DCC: variants seen among roughly 807,000 people sequenced by gnomAD.
The protein encoded by DCC is DCC netrin 1 receptor, also known as netrin receptor DCC.
In DCC, 58 loss-of-function variants were observed where a neutral mutation model predicts 172.5. That is an observed-to-expected ratio of 0.34 (90% CI 0.27 to 0.42). The LOEUF is 0.42. DCC is among the 10% of genes least tolerant of loss of function. The pLI is 1.00. For missense variants in DCC, 1,740 were observed against 1,791.0 expected, an observed-to-expected ratio of 0.97 and a Z score of 0.51; for synonymous variants, 709 against 644.5, an observed-to-expected ratio of 1.10 and a Z score of -1.52.
At chr18:52,867,901 G>C (rs924861735) in intron 2 of DCC, among the ~76,000 whole-genome samples, 1 of 151,912 alleles carries the variant, frequency 6.6e-6, no homozygotes, top group African/African-American at 2.4e-5. Flanking sequence ...TCAGATTTTT[G>C]CTCTTTAACT....
Position 52,366,724 on chromosome 18 carries a change from G to A in DCC, c.91+25846G>A, listed in dbSNP as rs560051456. On this transcript the variant is annotated intron_variant, in intron 1 of 28. Transcript: ENST00000442544. Reference sequence around the variant, plus strand: ...AGCAGCTAGATACAGAGTGTCGATTGGTGCACTCACAAACCTTGAGCTAAA... The same window carrying A: ...AGCAGCTAGATACAGAGTGTCGATTAGTGCACTCACAAACCTTGAGCTAAA... Among the ~76,000 whole-genome samples, 17 of 151,730 alleles carry A rather than the reference G, an allele frequency of 1.1e-4. No homozygotes were observed. The East Asian group carries it at 3.4e-3, about 30-fold the overall frequency.
intron 15 of DCC, among the ~76,000 whole-genome samples, chr18:53,368,623 G>T (rs2058029993): frequency 6.6e-6 from 1 of 151,956 alleles, no homozygotes; most frequent in African/African-American, 2.4e-5. Context: ...TTTTGTAGTG[G>T]TATTAAAAAG....
intron 15 of DCC, among the ~76,000 whole-genome samples, chr18:53,362,370 A>G (rs1434291809): frequency 6.6e-6 from 1 of 152,110 alleles, no homozygotes; most frequent in African/African-American, 2.4e-5. Flanking sequence ...CTTTTGGTAC[A>G]TTTTTCACTT....
chr18:53,085,702 C>G (rs2042869190), intron 7 of DCC, among the ~76,000 whole-genome samples: 1 of 151,700 alleles, frequency 6.6e-6, no homozygotes, highest in African/African-American at 2.4e-5. Flanking sequence ...GCTAACTTCT[C>G]AGGTGGGAAG....
At chr18:53,043,933 A>T (rs2042202640) in intron 5 of DCC, among the ~76,000 whole-genome samples, 2 of 151,904 alleles carry the variant, frequency 1.3e-5, no homozygotes, top group African/African-American at 4.8e-5. Context: ...GTGAATGCCA[A>T]GAAAAAAGAA....
chr18:52,739,347 CT>C (rs1327501074), intron 1 of DCC, among the ~76,000 whole-genome samples: 3 of 152,008 alleles, frequency 2.0e-5, no homozygotes, highest in Non-Finnish European at 4.4e-5. Flanking sequence ...TCGTTTTTGT[CT>C]ATCTATGTTT....
At chr18:53,506,859 CAAAAAA>C (rs34848744) in intron 27 of DCC, among the ~76,000 whole-genome samples, 1 of 133,380 alleles carries the variant, frequency 7.5e-6, no homozygotes, top group African/African-American at 2.8e-5. Context: ...GACTCCATCT[CAAAAAA>C]AAAAAAAAAA....
intron 14 of DCC, among the ~76,000 whole-genome samples, chr18:53,331,991 G>A (rs1480710775): frequency 2.6e-5 from 4 of 152,180 alleles, no homozygotes; most frequent in African/African-American, 9.7e-5. Context: ...CAGAGAGGAT[G>A]TGGATTCTGG....
chr18:52,981,984 T>TA (rs1381783621), intron 5 of DCC, among the ~76,000 whole-genome samples: 38 of 151,946 alleles, frequency 2.5e-4, no homozygotes, highest in Admixed American at 1.4e-3. Flanking sequence ...CCCAAAGAGT[T>TA]AGAGATGGGA....
At chr18:53,157,578 A>G in intron 8 of DCC, 66 bp downstream of exon 8, 1 of 1,546,790 alleles carries the variant, frequency 6.5e-7, no homozygotes, top group Non-Finnish European at 8.9e-7. Context: ...CGGTTGGGTA[A>G]TGGCAGGAGG....
At chr18:52,924,797 GGTGT>G (rs1005256851) in intron 4 of DCC, among the ~76,000 whole-genome samples, 3 of 151,912 alleles carry the variant, frequency 2.0e-5, no homozygotes, top group Admixed American at 2.0e-4. Flanking sequence ...AGCACATCAA[GGTGT>G]GTTCTCTGCG....
At chr18:52,518,690 C>T (rs1284856021) in intron 1 of DCC, among the ~76,000 whole-genome samples, 6 of 152,158 alleles carry the variant, frequency 3.9e-5, no homozygotes, top group African/African-American at 1.2e-4. Flanking sequence ...TCTCTGTTCT[C>T]GTGTGTATGT....
chr18:53,051,544 G>A (rs1042610255), intron 5 of DCC, among the ~76,000 whole-genome samples: 1 of 152,044 alleles, frequency 6.6e-6, no homozygotes, highest in African/African-American at 2.4e-5. Context: ...AGATTTTGTT[G>A]TTAGGTTTAT....
At chr18:53,477,819 G>A (rs1158593915) in intron 25 of DCC, among the ~76,000 whole-genome samples, 2 of 152,084 alleles carry the variant, frequency 1.3e-5, no homozygotes, top group Admixed American at 1.3e-4. Context: ...AGTAAAATTA[G>A]CTGAGGCTCA....
At chr18:53,302,020 C>T (rs1568041002) in intron 12 of DCC, among the ~76,000 whole-genome samples, 1 of 152,180 alleles carries the variant, frequency 6.6e-6, no homozygotes, top group African/African-American at 2.4e-5. Context: ...TGAGGCCTCG[C>T]TCACTTGGCT....
At chr18:52,871,494 T>C (rs2039317313) in intron 2 of DCC, among the ~76,000 whole-genome samples, 1 of 152,166 alleles carries the variant, frequency 6.6e-6, no homozygotes, top group African/African-American at 2.4e-5. Context: ...ATCTCACTTT[T>C]GTTTTGCTTC....
chr18:52,659,384 T>G (rs1046139824), intron 1 of DCC, among the ~76,000 whole-genome samples: 6 of 152,216 alleles, frequency 3.9e-5, no homozygotes, highest in Admixed American at 1.3e-4. Flanking sequence ...GCTGATTACC[T>G]TCCCTAAACC....
intron 5 of DCC, among the ~76,000 whole-genome samples, chr18:52,955,304 C>A (rs2040724046): frequency 6.6e-6 from 1 of 152,076 alleles, no homozygotes; most frequent in Non-Finnish European, 1.5e-5. Flanking sequence ...TAGTTCACAT[C>A]ATACAGTATG....
intron 7 of DCC, among the ~76,000 whole-genome samples, chr18:53,097,991 A>T (rs2043111800): frequency 6.6e-6 from 1 of 151,986 alleles, no homozygotes; most frequent in Non-Finnish European, 1.5e-5. Flanking sequence ...AGGCTACACA[A>T]CTCAGTCAGC....
Sources: allele counts gnomAD v4.1 joint callset (sites outside exome capture counted in the v4.1 genomes callset), GRCh38; gene constraint gnomAD v4.1.1; transcripts MANE v1.5; gene names NCBI Gene and HGNC (gene_info 2026-07-23, HGNC 2026-07-21).